CAMKMT: variants seen among roughly 807,000 people sequenced by gnomAD.
CAMKMT encodes calmodulin-lysine N-methyltransferase.
In CAMKMT, 53 loss-of-function variants were observed where a neutral mutation model predicts 48.0. The observed-to-expected ratio is 1.10, with a 90% CI of 0.89 to 1.39. The LOEUF is 1.39. CAMKMT is among the 40% of genes most tolerant of loss of function. The pLI is 0.00. For missense variants in CAMKMT, 428 were observed against 402.7 expected, an observed-to-expected ratio of 1.06 and a Z score of -0.54; for synonymous variants, 165 against 152.3, an observed-to-expected ratio of 1.08 and a Z score of -0.61.
intron 3 of CAMKMT, among the ~76,000 whole-genome samples, chr2:44,586,939 A>G (rs556127501): frequency 4.7e-5 from 7 of 150,302 alleles, no homozygotes; most frequent in African/African-American, 1.5e-4. Flanking sequence ...CAGCATGGGA[A>G]AGGTCTGTCA....
chr2:44,573,741 T>C (rs928135629), intron 3 of CAMKMT, among the ~76,000 whole-genome samples: 15 of 152,176 alleles, frequency 9.9e-5, no homozygotes, highest in Non-Finnish European at 2.1e-4. Context: ...TAGTTTTGTG[T>C]ATGATGTGAG....
rs546792367 is a variant in CAMKMT, at chr2:44,676,135, G to A, written c.377-28148G>A. Among the ~76,000 whole-genome samples the A allele has an allele frequency of 2.0e-5, 3 of 152,224 alleles. No homozygotes were observed. The East Asian group carries it at 5.8e-4, about 29-fold the overall frequency. On this transcript the variant is annotated intron_variant, in intron 3 of 10. Transcript: ENST00000378494. ...CAGACTAGTGCAGTAAACTCATTGA[G>A]GTTGCACAGCTTTTCCCTCTGGGGA...
chr2:44,484,235 G>A (rs896318218), intron 3 of CAMKMT, among the ~76,000 whole-genome samples: 7 of 151,594 alleles, frequency 4.6e-5, no homozygotes, highest in African/African-American at 1.2e-4. Context: ...CGATTTTAAC[G>A]TTTATATGAA....
Position 44,573,108 on chromosome 2 carries a change from G to A in CAMKMT, c.377-131175G>A, listed in dbSNP as rs182775388. Among the ~76,000 whole-genome samples, 491 of 150,768 alleles carry A rather than the reference G, an allele frequency of 3.3e-3. 3 individuals carry two copies. The highest frequency in any genetic ancestry group is 7.4e-3 in the Admixed American group (113 of 15,172). ...TAATCTTTTCATGTGCTGTTTGGCCGTCTATATCTTAGTAATAGTAATCTT... is the reference window on the plus strand; with the variant it reads ...TAATCTTTTCATGTGCTGTTTGGCCATCTATATCTTAGTAATAGTAATCTT... On this transcript the variant is annotated intron_variant, in intron 3 of 10. Coordinates refer to ENST00000378494, the MANE Select transcript of CAMKMT (RefSeq NM_024766.5).
chr2:44,763,177 A>G (rs765225792), intron 9 of CAMKMT, among the ~76,000 whole-genome samples: 9 of 152,144 alleles, frequency 5.9e-5, no homozygotes, highest in Non-Finnish European at 1.2e-4. Context: ...CATCCTAACT[A>G]TTAATCCACC....
intron 2 of CAMKMT, among the ~76,000 whole-genome samples, chr2:44,387,523 C>A (rs140044070): frequency 6.6e-6 from 1 of 151,952 alleles, no homozygotes; most frequent in Non-Finnish European, 1.5e-5. Flanking sequence ...TTGTTAGTAT[C>A]GAAATGTGAG....
chr2:44,577,537 T>G (rs1286667518), intron 3 of CAMKMT, among the ~76,000 whole-genome samples: 1 of 152,076 alleles, frequency 6.6e-6, no homozygotes, highest in Non-Finnish European at 1.5e-5. Context: ...GAGGATCATC[T>G]GAGTCTGAGA....
chr2:44,447,642 G>A (rs1441061802), intron 3 of CAMKMT, among the ~76,000 whole-genome samples: 1 of 152,224 alleles, frequency 6.6e-6, no homozygotes, highest in Non-Finnish European at 1.5e-5. Flanking sequence ...GTAGTGGATA[G>A]AAAAAGGGCA....
intron 3 of CAMKMT, among the ~76,000 whole-genome samples, chr2:44,600,658 A>T (rs971627932): frequency 6.6e-6 from 1 of 152,236 alleles, no homozygotes; most frequent in Admixed American, 6.5e-5. Flanking sequence ...TGTTCAGTTA[A>T]CATATACAGA....
intron 3 of CAMKMT, among the ~76,000 whole-genome samples, chr2:44,606,461 A>C (rs974250545): frequency 1.3e-5 from 2 of 152,156 alleles, no homozygotes; most frequent in Non-Finnish European, 2.9e-5. Context: ...TGGCATTCAA[A>C]CACCAGATCC....
rs1393823737 is a variant in CAMKMT at position 44,618,315 on chromosome 2, A to G, written c.377-85968A>G. Among the ~76,000 whole-genome samples the G allele has an allele frequency of 1.3e-5, 2 of 152,218 alleles. No homozygotes were observed. The highest frequency in any genetic ancestry group is 2.9e-5 in the Non-Finnish European group (2 of 68,038). On this transcript the variant is annotated intron_variant, in intron 3 of 10. Transcript: ENST00000378494. The surrounding 1 kb of genome is among the most constrained non-coding windows in gnomAD (Gnocchi z 4.0). ...GCACTGCCATCAGAGTCATTTTACG[A>G]CAGCCAGGGAGCAAAGCTCAGAGAT...
intron 3 of CAMKMT, among the ~76,000 whole-genome samples, chr2:44,542,533 A>T (rs956988920): frequency 0.015 from 943 of 62,250 alleles, 4 homozygotes; most frequent in African/African-American, 0.034. Flanking sequence ...ACACACACAC[A>T]CACACTCTCT....
At chr2:44,693,075 T>C (rs192851912) in intron 3 of CAMKMT, among the ~76,000 whole-genome samples, 3 of 152,158 alleles carry the variant, frequency 2.0e-5, no homozygotes, top group African/African-American at 7.2e-5. Flanking sequence ...TCTAAATATA[T>C]CTCAAATCTT....
In CAMKMT at chr2:44,456,095, G is replaced by A. The variant is rs531531961; in HGVS notation, c.376+65790G>A. Among the ~76,000 whole-genome samples, 6 of 152,246 alleles carry A rather than the reference G, an allele frequency of 3.9e-5. No individual in the cohort carries two copies. The East Asian group carries it at 9.7e-4, about 25-fold the overall frequency. ...TCTTGTAACCTAAATGGTGCCTTGT[G>A]TAATTCAAATATTTGTTCAGTAAAA... On this transcript the variant is annotated intron_variant, in intron 3 of 10. Coordinates refer to ENST00000378494, the MANE Select transcript of CAMKMT (RefSeq NM_024766.5).
At chr2:44,422,721 A>G (rs1197973189) in intron 3 of CAMKMT, among the ~76,000 whole-genome samples, 8 of 151,720 alleles carry the variant, frequency 5.3e-5, no homozygotes, top group Non-Finnish European at 1.2e-4. Flanking sequence ...ATTTTCAAAC[A>G]TCTCAACAGC....
intron 3 of CAMKMT, among the ~76,000 whole-genome samples, chr2:44,412,342 G>T (rs1344371842): frequency 6.6e-6 from 1 of 151,956 alleles, no homozygotes; most frequent in Non-Finnish European, 1.5e-5. Flanking sequence ...TTGTTTGTTT[G>T]TTTTTGTTTT....
chr2:44,554,518 G>C (rs1461807324), intron 3 of CAMKMT, among the ~76,000 whole-genome samples: 2 of 152,118 alleles, frequency 1.3e-5, no homozygotes, highest in Non-Finnish European at 2.9e-5. Context: ...GAAGGATTGT[G>C]TGAAACCTGG....
intron 2 of CAMKMT, among the ~76,000 whole-genome samples, chr2:44,374,630 T>A (rs1341704757): frequency 6.6e-6 from 1 of 152,208 alleles, no homozygotes; most frequent in African/African-American, 2.4e-5. Flanking sequence ...GTTATCCACT[T>A]GTAGAGATGA....
At chr2:44,533,921 A>G (rs1057192088) in intron 3 of CAMKMT, among the ~76,000 whole-genome samples, 1 of 152,232 alleles carries the variant, frequency 6.6e-6, no homozygotes, top group Admixed American at 6.5e-5. Flanking sequence ...TTTCCACTTA[A>G]AACATAGAGG....
Sources: allele counts gnomAD v4.1 joint callset (sites outside exome capture counted in the v4.1 genomes callset), GRCh38; gene constraint gnomAD v4.1.1; non-coding constraint Gnocchi (gnomAD v3.1); transcripts MANE v1.5; gene names NCBI Gene and HGNC (gene_info 2026-07-23, HGNC 2026-07-21).